Variants in IQGAP2 observed in about 807,000 individuals in gnomAD.
IQGAP2 encodes the protein IQ motif containing GTPase activating protein 2.
IQGAP2 carries 173 observed loss-of-function variants against 201.3 expected under a neutral mutation model. The ratio of observed to expected loss-of-function variants is 0.86; its 90% CI spans 0.76 to 0.98. The LOEUF (loss-of-function observed/expected upper bound fraction) is 0.98. Among genes scored for constraint, IQGAP2 ranks in the 50% least tolerant of loss-of-function variants. The pLI, the probability that IQGAP2 is intolerant of heterozygous loss-of-function variation, is 0.00. For missense variants in IQGAP2, 1,687 were observed against 1,864.8 expected (o/e 0.90, Z 1.76); for synonymous variants, 675 against 673.9 (o/e 1.00, Z -0.03).
At chr5:76,538,151 C>T (rs951610721) in intron 2 of IQGAP2, among the ~76,000 whole-genome samples, 6 of 152,230 alleles carry the variant, frequency 3.9e-5, no homozygotes, top group East Asian at 1.9e-4. Context: ...TACATGGCAG[C>T]GGGCAAGAGA....
intron 17 of IQGAP2, among the ~76,000 whole-genome samples, chr5:76,650,375 G>A (rs1312698539): frequency 6.6e-6 from 1 of 152,160 alleles, no homozygotes; most frequent in Non-Finnish European, 1.5e-5. Flanking sequence ...AGTAGAGATA[G>A]GTACACAGGT....
At chr5:76,597,919 A>G (rs117392368) in intron 10 of IQGAP2, among the ~76,000 whole-genome samples, 1 of 152,024 alleles carries the variant, frequency 6.6e-6, no homozygotes, top group Non-Finnish European at 1.5e-5. Flanking sequence ...CCGATGTGGT[A>G]TTTTTTTTAC....
At chr5:76,444,024 G>A (rs896016681) in intron 1 of IQGAP2, among the ~76,000 whole-genome samples, 1 of 150,334 alleles carries the variant, frequency 6.7e-6, no homozygotes, top group Non-Finnish European at 1.5e-5. Context: ...CAAGTGTATT[G>A]TAAAGTGTAA....
At chr5:76,453,078 G>C (rs181857226) in intron 1 of IQGAP2, among the ~76,000 whole-genome samples, 55 of 152,048 alleles carry the variant, frequency 3.6e-4, no homozygotes, top group African/African-American at 1.3e-3. Flanking sequence ...ACCATGCCTA[G>C]CTAGTTTTTA....
chr5:76,512,252 A>C (rs1339637334), intron 2 of IQGAP2, among the ~76,000 whole-genome samples: 3 of 152,184 alleles, frequency 2.0e-5, no homozygotes, highest in Non-Finnish European at 4.4e-5. Flanking sequence ...CTATCCCAAG[A>C]AGTTACTTGG....
intron 2 of IQGAP2, among the ~76,000 whole-genome samples, chr5:76,466,845 G>A (rs375406364): frequency 1.6e-3 from 240 of 152,256 alleles, no homozygotes; most frequent in Middle Eastern, 3.4e-3. Flanking sequence ...AAGAAAAACA[G>A]ATAAATTAGA....
chr5:76,574,339 T>C (rs998230956), intron 4 of IQGAP2, among the ~76,000 whole-genome samples: 1 of 152,200 alleles, frequency 6.6e-6, no homozygotes, highest in East Asian at 1.9e-4. Context: ...GTTCTGTTCT[T>C]GTCACCCAGG....
At chr5:76,564,710 T>C (rs538722516) in intron 3 of IQGAP2, among the ~76,000 whole-genome samples, 1 of 152,130 alleles carries the variant, frequency 6.6e-6, no homozygotes, top group Non-Finnish European at 1.5e-5. Flanking sequence ...GGTTATGGAA[T>C]AAAATACTTG....
intron 1 of IQGAP2, among the ~76,000 whole-genome samples, chr5:76,436,831 C>T (rs537467754): frequency 6.9e-4 from 104 of 151,142 alleles, no homozygotes; most frequent in African/African-American, 2.1e-3. Flanking sequence ...CCTGGCCAAT[C>T]GTATGGTTTT....
At chr5:76,636,325 T>C (rs1357841596) in intron 15 of IQGAP2, among the ~76,000 whole-genome samples, 1 of 152,210 alleles carries the variant, frequency 6.6e-6, no homozygotes, top group Non-Finnish European at 1.5e-5. Flanking sequence ...ATATGAAGTT[T>C]AGCCCATGGA....
chr5:76,592,762 C>A, intron 8 of IQGAP2, 76 bp from the exon 9 acceptor site: 1 of 972,844 alleles, frequency 1.0e-6, no homozygotes, highest in Non-Finnish European at 1.6e-6. Flanking sequence ...TCACTCTTCA[C>A]ATTTTTCCAT....
chr5:76,627,627 T>G lies in IQGAP2; in HGVS notation c.1612+127T>G, dbSNP rs942987256. On this transcript the variant is annotated intron_variant, in intron 14 of 35. Coordinates refer to ENST00000274364, the MANE Select transcript of IQGAP2 (RefSeq NM_006633.5). ...CAAGTTTTAGTTCTTGGACACATAATTATACCGAAATTAGTTGGTTGCCCT... is the reference window on the plus strand; with the variant it reads ...CAAGTTTTAGTTCTTGGACACATAAGTATACCGAAATTAGTTGGTTGCCCT... 2.4e-5 allele frequency: 15 copies of G among 634,700 alleles called. No individual in the cohort carries two copies. The East Asian group carries it at 4.1e-4, about 17-fold the overall frequency. 39.3% of individuals were successfully genotyped at this position (634,700 alleles called of 1,614,324 possible).
chr5:76,555,194 G>A (rs1330703568), intron 2 of IQGAP2, among the ~76,000 whole-genome samples: 1 of 152,168 alleles, frequency 6.6e-6, no homozygotes, highest in East Asian at 1.9e-4. Flanking sequence ...TTCGGTGTAA[G>A]GAAGATGTTC....
At chr5:76,468,900 C>A (rs1754947697) in intron 2 of IQGAP2, among the ~76,000 whole-genome samples, 1 of 149,270 alleles carries the variant, frequency 6.7e-6, no homozygotes, top group South Asian at 2.1e-4. Context: ...GCTTCCACAT[C>A]CAGGTCAAAC....
intron 2 of IQGAP2, among the ~76,000 whole-genome samples, chr5:76,508,226 C>T (rs541057510): frequency 6.7e-6 from 1 of 149,324 alleles, no homozygotes; most frequent in East Asian, 2.1e-4. Context: ...CCCAGCTACT[C>T]GGGAGGCTGA....
chr5:76,627,739 T>C (rs1750373404), intron 14 of IQGAP2, among the ~76,000 whole-genome samples: 1 of 152,246 alleles, frequency 6.6e-6, no homozygotes, highest in Non-Finnish European at 1.5e-5. Context: ...TTTTAAGCTC[T>C]CAAATTGTAT....
intron 2 of IQGAP2, among the ~76,000 whole-genome samples, chr5:76,541,169 T>C (rs1484729048): frequency 6.6e-6 from 1 of 152,128 alleles, no homozygotes; most frequent in Non-Finnish European, 1.5e-5. Flanking sequence ...TCTGTTCCCA[T>C]TAAAAATAAT....
intron 2 of IQGAP2, among the ~76,000 whole-genome samples, chr5:76,467,622 A>G (rs1754850934): frequency 6.6e-6 from 1 of 152,228 alleles, no homozygotes; most frequent in African/African-American, 2.4e-5. Flanking sequence ...TGACCCAGCA[A>G]TTATCCTCCC....
At chr5:76,651,271 T>C (rs868638037) in intron 17 of IQGAP2, among the ~76,000 whole-genome samples, 1 of 152,238 alleles carries the variant, frequency 6.6e-6, no homozygotes, top group Non-Finnish European at 1.5e-5. Context: ...TTTTTATCTC[T>C]ATGCCTTCTT....
Sources: allele counts gnomAD v4.1 joint callset (sites outside exome capture counted in the v4.1 genomes callset), GRCh38; gene constraint gnomAD v4.1.1; transcripts MANE v1.5; gene names NCBI Gene and HGNC (gene_info 2026-07-23, HGNC 2026-07-21).